RECQL: variants seen among roughly 807,000 people sequenced by gnomAD.
RECQL encodes the protein RecQ like helicase.
In RECQL, 73 loss-of-function variants were observed where a neutral mutation model predicts 75.8. That is an observed-to-expected ratio of 0.96 (90% confidence interval 0.80 to 1.17). The LOEUF (loss-of-function observed/expected upper bound fraction) is 1.17, where lower values mean the gene tolerates loss of function less well. Ranked by LOEUF, RECQL falls within the 50% of genes most tolerant of loss-of-function variation. The pLI is 0.00. For synonymous variants in RECQL, 248 were observed against 254.4 expected, an observed-to-expected ratio of 0.97 and a Z score of 0.24; for missense variants, 699 against 772.1, an observed-to-expected ratio of 0.91 and a Z score of 1.12.
chr12:21,492,038 T>C (rs1943425400), intron 2 of RECQL, among the ~76,000 whole-genome samples: 1 of 152,226 alleles, frequency 6.6e-6, no homozygotes, highest in African/African-American at 2.4e-5. Flanking sequence ...ACGCAGTACC[T>C]GGTACACAAA....
At chr12:21,483,716 A>G in intron 5 of RECQL, 142 bp from the exon 6 acceptor site, 1 of 626,090 alleles carries the variant, frequency 1.6e-6, no homozygotes, top group Non-Finnish European at 2.7e-6. Flanking sequence ...GTTCATTAAA[A>G]CTGAAACCAT....
intron 2 of RECQL, among the ~76,000 whole-genome samples, chr12:21,494,417 G>A (rs191148400): frequency 2.0e-5 from 3 of 152,296 alleles, no homozygotes; most frequent in South Asian, 2.1e-4. Flanking sequence ...ATACAATGTC[G>A]AATTAAGCTA....
Position 21,486,465 on chromosome 12 carries a change from C to G in RECQL, c.501+14G>C. Reference sequence around the variant, plus strand: ...ATAGTTTACATTAAAAAAAAAAAAGCCACTGAAACATACCTTAGAACTAGA... The same window carrying G: ...ATAGTTTACATTAAAAAAAAAAAAGGCACTGAAACATACCTTAGAACTAGA... On this transcript the variant is annotated intron_variant, in intron 5 of 14. Transcript: ENST00000444129. The G allele has an allele frequency of 6.5e-7, 1 of 1,540,582 alleles. No individual in the cohort carries two copies. Among genetic ancestry groups the G allele is most frequent in the Non-Finnish European group, 8.7e-7 (1 of 1,150,160 alleles).
intron 6 of RECQL, among the ~76,000 whole-genome samples, chr12:21,481,487 G>C (rs927377320): frequency 6.6e-6 from 1 of 152,076 alleles, no homozygotes; most frequent in Admixed American, 6.6e-5. Context: ...CATTTAGGTT[G>C]AAAATAGGGC....
intron 12 of RECQL, among the ~76,000 whole-genome samples, chr12:21,473,002 A>G (rs1003525601): frequency 6.6e-6 from 1 of 152,162 alleles, no homozygotes; most frequent in Non-Finnish European, 1.5e-5. Context: ...GTGCATACAC[A>G]TAAGACTTTT....
rs761766310 is a variant in RECQL, at chr12:21,477,803, C to T, written c.867G>A (p.Glu289=). Residue 289 remains glutamate, a splice_region_variant and synonymous_variant, in exon 7 of 15, where the codon GAG becomes GAA. Transcript: ENST00000444129. The part of the protein sequence containing the change: ...ASFNRPNLYY[E]VRQKPSNTED... Reference sequence around the variant, plus strand: ...AGGAATTGACATAAAAATTACATACCTCATAATATAGATTTGGCCTATTAA... The same window carrying T: ...AGGAATTGACATAAAAATTACATACTTCATAATATAGATTTGGCCTATTAA... 6.2e-7 allele frequency: 1 copy of T among 1,602,908 alleles called. No individual in the cohort carries two copies. Among genetic ancestry groups the T allele is most frequent in the Non-Finnish European group, 8.5e-7 (1 of 1,172,972 alleles).
intron 11 of RECQL, among the ~76,000 whole-genome samples, chr12:21,474,469 CTGGCAAGG>C (rs1308123994): frequency 2.0e-5 from 3 of 152,030 alleles, no homozygotes; most frequent in Non-Finnish European, 4.4e-5. Flanking sequence ...GACACATGAG[CTGGCAAGG>C]TGGCACGTTA....
intron 3 of RECQL, 55 bp from the exon 4 acceptor site, chr12:21,490,433 G>C (rs1262236843): frequency 8.4e-7 from 1 of 1,189,846 alleles, no homozygotes; most frequent in African/African-American, 1.5e-5. Flanking sequence ...ATAGAAGTTT[G>C]ATAAGAATGA....
intron 6 of RECQL, among the ~76,000 whole-genome samples, chr12:21,480,836 G>C (rs1037840744): frequency 6.6e-6 from 1 of 152,118 alleles, no homozygotes; most frequent in African/African-American, 2.4e-5. Context: ...CCAGCACCAG[G>C]GAGCTCAGTT....
At chr12:21,471,714 TAAG>T (rs1307416417) in intron 12 of RECQL, 67 bp from the exon 13 acceptor site, 1 of 1,272,596 alleles carries the variant, frequency 7.9e-7, no homozygotes. Flanking sequence ...TAGGCTATCT[TAAG>T]TAGTTAAACT....
rs754125929 is a variant in RECQL, at chr12:21,486,606, AAT to A, written c.395-23_395-22del. On this transcript the variant is annotated intron_variant, in intron 4 of 14. Transcript: ENST00000444129. ...AAAACCTAAAAGAGAAAAAAAAAAA[AAT>A]CTACCTTAAACTTTACACCACCCTC... is the stretch of plus-strand genomic sequence containing the variant. 3.3e-6 allele frequency: 5 copies of A among 1,520,046 alleles called. 1 individual carries two copies. The South Asian group carries it at 6.2e-5, about 19-fold the overall frequency. The allele number at this position is 1,520,046 out of a possible 1,614,324, so 94.2% of individuals were successfully genotyped here.
At chr12:21,478,507 A>C (rs1296204424) in intron 6 of RECQL, among the ~76,000 whole-genome samples, 1 of 152,198 alleles carries the variant, frequency 6.6e-6, no homozygotes, top group Non-Finnish European at 1.5e-5. Context: ...GATTTCAAGG[A>C]GATAATACTT....
chr12:21,485,509 C>T (rs1411133837), intron 5 of RECQL, among the ~76,000 whole-genome samples: 1 of 151,068 alleles, frequency 6.6e-6, no homozygotes, highest in African/African-American at 2.4e-5. Context: ...CAACCAAATA[C>T]AATACAATGC....
intron 11 of RECQL, 105 bp from the exon 12 acceptor site, chr12:21,473,747 G>T: frequency 1.2e-6 from 1 of 837,762 alleles, no homozygotes; most frequent in Non-Finnish European, 1.9e-6. Context: ...TCCTATAACT[G>T]CCATAATATT....
Position 21,469,057 on chromosome 12 carries a change from A to C in RECQL, c.*1137T>G, listed in dbSNP as rs1199371912. ...ATTTAGCTTTGGAGCAAATTTAGGT[A>C]AGTTATCTACTTAGCCAAATGTACT... is the stretch of plus-strand genomic sequence containing the variant. On this transcript the variant is annotated 3_prime_UTR_variant, in exon 15 of 15. Coordinates refer to ENST00000444129, the MANE Select transcript of RECQL (RefSeq NM_002907.4). 3.4e-5 allele frequency: 9 copies of C among 268,284 alleles called. No individual in the cohort carries two copies. Among genetic ancestry groups the C allele is most frequent in the Non-Finnish European group, 7.2e-6 (1 of 138,896 alleles). 16.6% of individuals were successfully genotyped at this position (268,284 alleles called of 1,614,324 possible).
intron 2 of RECQL, among the ~76,000 whole-genome samples, chr12:21,497,819 C>T (rs1228730332): frequency 6.6e-6 from 1 of 152,194 alleles, no homozygotes; most frequent in African/African-American, 2.4e-5. Flanking sequence ...CTGGCTACAT[C>T]CAGAGCTAAG....
intron 2 of RECQL, among the ~76,000 whole-genome samples, chr12:21,493,541 A>C (rs1476367569): frequency 2.6e-5 from 4 of 152,250 alleles, no homozygotes; most frequent in South Asian, 2.1e-4. Context: ...TAAATCCTGC[A>C]GATGGCTGAA....
chr12:21,499,509 A>C (rs752001656), intron 2 of RECQL, 46 bp downstream of exon 2: 2 of 1,484,560 alleles, frequency 1.3e-6, no homozygotes, highest in Non-Finnish European at 1.8e-6. Context: ...TCATACAAAC[A>C]GAAATAGAAC....
chr12:21,494,378 C>G (rs371306690), intron 2 of RECQL, among the ~76,000 whole-genome samples: 1 of 152,144 alleles, frequency 6.6e-6, no homozygotes, highest in African/African-American at 2.4e-5. Context: ...GGGAATAGAT[C>G]ATAAAGGTAC....
Sources: allele counts gnomAD v4.1 joint callset (sites outside exome capture counted in the v4.1 genomes callset), GRCh38; gene constraint gnomAD v4.1.1; transcripts MANE v1.5; gene names NCBI Gene and HGNC (gene_info 2026-07-23, HGNC 2026-07-21).